The following CNTNAP2 variants were observed in gnomAD, a reference collection of about 807,000 sequenced individuals.
CNTNAP2 encodes the protein contactin-associated protein-like 2.
Under a neutral mutation model 155.2 loss-of-function variants are expected in CNTNAP2, and 98 were observed. That is an observed-to-expected ratio of 0.63 (90% CI 0.54 to 0.75). The LOEUF (loss-of-function observed/expected upper bound fraction) is 0.75, where lower values mean the gene tolerates loss of function less well. Among genes scored for constraint, CNTNAP2 ranks in the 30% least tolerant of loss-of-function variants. The pLI is 0.00. For synonymous variants in CNTNAP2, 651 were observed against 631.2 expected (o/e 1.03, Z -0.47); for missense variants, 1,727 against 1,688.1 (o/e 1.02, Z -0.40).
At chr7:148,349,486 T>C (rs534108876) in intron 21 of CNTNAP2, among the ~76,000 whole-genome samples, 9 of 150,256 alleles carry the variant, frequency 6.0e-5, no homozygotes, top group East Asian at 2.0e-4. Context: ...ACTGCAAGCT[T>C]TGCCTCCCAG....
intron 14 of CNTNAP2, among the ~76,000 whole-genome samples, chr7:147,926,787 C>T (rs1178090425): frequency 6.6e-6 from 1 of 151,896 alleles, no homozygotes; most frequent in Non-Finnish European, 1.5e-5. Context: ...AAACAAAGAG[C>T]GTTTTTAAAC....
rs192719220 is a variant in CNTNAP2 at position 147,694,839 on chromosome 7, G to A, written c.2098+55533G>A. Among the ~76,000 whole-genome samples the A allele has an allele frequency of 1.7e-3, 257 of 151,756 alleles. 1 individual carries two copies. Among genetic ancestry groups the A allele is most frequent in the Non-Finnish European group, 3.2e-3 (219 of 67,950 alleles). ...CCTGTTTCCAATTTTATTACTTTGT[G>A]CTCTAATTTTCATTACTTTTTTTTC... On this transcript the variant is annotated intron_variant, in intron 13 of 23. Transcript: ENST00000361727.
At chr7:148,312,868 G>C (rs556194444) in intron 21 of CNTNAP2, among the ~76,000 whole-genome samples, 48 of 151,284 alleles carry the variant, frequency 3.2e-4, no homozygotes, top group African/African-American at 1.1e-3. Flanking sequence ...CGCTAAGGAG[G>C]GAGTAGTGGT....
At chr7:147,373,281 G>T (rs895961422) in intron 9 of CNTNAP2, among the ~76,000 whole-genome samples, 1 of 151,834 alleles carries the variant, frequency 6.6e-6, no homozygotes, top group African/African-American at 2.4e-5. Flanking sequence ...ATTCAAAATG[G>T]CCAGTTTCAA....
intron 20 of CNTNAP2, among the ~76,000 whole-genome samples, chr7:148,262,745 C>T (rs1796586914): frequency 6.6e-6 from 1 of 152,172 alleles, no homozygotes; most frequent in East Asian, 1.9e-4. Context: ...GTGACGCGCT[C>T]TCAGGTCCTG....
chr7:146,669,573 A>G (rs1800260230), intron 1 of CNTNAP2, among the ~76,000 whole-genome samples: 1 of 152,172 alleles, frequency 6.6e-6, no homozygotes, highest in South Asian at 2.1e-4. Context: ...GTACTTCAGA[A>G]CATGTGCTTT....
At chr7:146,717,269 G>A (rs1436509713) in intron 1 of CNTNAP2, among the ~76,000 whole-genome samples, 2 of 151,660 alleles carry the variant, frequency 1.3e-5, no homozygotes, top group Admixed American at 6.6e-5. Flanking sequence ...TTGGGAGGCC[G>A]AGGCGGGTGG....
At chr7:147,467,091 A>G (rs1335812597) in intron 10 of CNTNAP2, among the ~76,000 whole-genome samples, 2 of 152,218 alleles carry the variant, frequency 1.3e-5, no homozygotes, top group Non-Finnish European at 2.9e-5. Context: ...CACACTGAAA[A>G]TAAGACATTT....
chr7:146,285,669 CCCT>C (rs1287090219), intron 1 of CNTNAP2, among the ~76,000 whole-genome samples: 1 of 131,176 alleles, frequency 7.6e-6, no homozygotes, highest in African/African-American at 3.0e-5. Flanking sequence ...TCCCTCCCTC[CCCT>C]CCTCTTCCCT....
rs147451520 is a variant in CNTNAP2 at position 147,120,472 on chromosome 7, C to A, written c.755-507C>A. 2.2e-3 allele frequency among the ~76,000 whole-genome samples: 333 copies of A among 152,180 alleles called. 2 individuals carry two copies. The highest frequency in any genetic ancestry group is 7.8e-3 in the African/African-American group (325 of 41,530). On this transcript the variant is annotated intron_variant, in intron 5 of 23. Coordinates refer to ENST00000361727, the MANE Select transcript of CNTNAP2 (RefSeq NM_014141.6). ...GACACTGACTTTATAACAAACCTAC[C>A]AAAATTTAGCAGAATTCATTGCACA...
At chr7:147,316,533 GA>G (rs1795236510) in intron 9 of CNTNAP2, among the ~76,000 whole-genome samples, 1 of 152,090 alleles carries the variant, frequency 6.6e-6, no homozygotes, top group African/African-American at 2.4e-5. Context: ...GGAGTGTTAA[GA>G]TTTTATTTAT....
At chr7:146,336,105 A>G (rs1286267756) in intron 1 of CNTNAP2, among the ~76,000 whole-genome samples, 3 of 151,928 alleles carry the variant, frequency 2.0e-5, no homozygotes, top group African/African-American at 7.3e-5. Context: ...AGGATGAGGC[A>G]GGAGAATTCC....
chr7:147,176,616 A>T, intron 8 of CNTNAP2, among the ~76,000 whole-genome samples: 1 of 143,834 alleles, frequency 7.0e-6, no homozygotes, highest in Admixed American at 7.2e-5. Flanking sequence ...TGTATAATAT[A>T]CTTACATACA....
In CNTNAP2 at chr7:148,069,849, G is replaced by A. The variant is rs895906181; in HGVS notation, c.2384-48269G>A. Among the ~76,000 whole-genome samples the A allele has an allele frequency of 2.1e-4, 32 of 152,014 alleles. 1 individual carries two copies. Among genetic ancestry groups the A allele is most frequent in the Admixed American group, 3.3e-4 (5 of 15,268 alleles). ...TCTCTAAAACTAAGACTCAGACAGAGATTTTGGTGAAAAATGTGTGCCTAA... is the reference window on the plus strand; with the variant it reads ...TCTCTAAAACTAAGACTCAGACAGAAATTTTGGTGAAAAATGTGTGCCTAA... On this transcript the variant is annotated intron_variant, in intron 15 of 23. Transcript: ENST00000361727.
chr7:147,878,704 A>G (rs1225281445), intron 13 of CNTNAP2, among the ~76,000 whole-genome samples: 9 of 152,114 alleles, frequency 5.9e-5, no homozygotes, highest in Non-Finnish European at 1.0e-4. Context: ...AGTCACTCTG[A>G]TTTCATTCTG....
intron 13 of CNTNAP2, among the ~76,000 whole-genome samples, chr7:147,659,522 T>C (rs771936233): frequency 2.0e-5 from 3 of 152,212 alleles, no homozygotes; most frequent in Admixed American, 2.0e-4. Context: ...TATCTATCTG[T>C]GCATTATTGT....
chr7:146,736,203 TA>T (rs141630973), intron 1 of CNTNAP2, among the ~76,000 whole-genome samples: 2,618 of 152,246 alleles, frequency 0.017, 65 homozygotes, highest in African/African-American at 0.059. Context: ...CCGTTTGACA[TA>T]AGGGATTTGA....
intron 1 of CNTNAP2, among the ~76,000 whole-genome samples, chr7:146,741,387 A>G (rs1225289454): frequency 6.6e-6 from 1 of 152,172 alleles, no homozygotes; most frequent in African/African-American, 2.4e-5. Flanking sequence ...GCTGGATATT[A>G]TCATCCACAG....
intron 20 of CNTNAP2, among the ~76,000 whole-genome samples, chr7:148,246,985 TTGTG>T (rs1277513681): frequency 6.6e-6 from 1 of 152,200 alleles, no homozygotes; most frequent in Non-Finnish European, 1.5e-5. Flanking sequence ...ACAAACCTCT[TTGTG>T]TGTGCCTCAG....
Sources: gnomAD v4.1 joint callset for allele counts (sites outside exome capture counted in the v4.1 genomes callset) on GRCh38, gnomAD v4.1.1 for gene constraint, MANE v1.5 for transcripts, NCBI Gene and HGNC (gene_info 2026-07-23, HGNC 2026-07-21) for gene names.